EPHA6: variants seen among roughly 807,000 people sequenced by gnomAD.
EPHA6 encodes EPH receptor A6, also known as ephrin type-A receptor 6.
Under a neutral mutation model 112.0 loss-of-function variants are expected in EPHA6, and 50 were observed. That is an observed-to-expected ratio of 0.45 (90% CI 0.36 to 0.56). EPHA6 has a LOEUF of 0.56. Ranked by LOEUF, EPHA6 falls within the 20% of genes least tolerant of loss-of-function variation. The pLI, the probability that EPHA6 is intolerant of heterozygous loss-of-function variation, is 0.00. For missense variants in EPHA6, 1,280 were observed against 1,417.4 expected (o/e 0.90, Z 1.56); for synonymous variants, 529 against 490.7 (o/e 1.08, Z -1.03).
chr3:97,296,033 G>A (rs986504438), intron 5 of EPHA6, among the ~76,000 whole-genome samples: 1 of 152,176 alleles, frequency 6.6e-6, no homozygotes, highest in Non-Finnish European at 1.5e-5. Context: ...TGCCAGCAGT[G>A]GAAGTGGTTG....
chr3:97,444,078 A>T (rs566983556), intron 6 of EPHA6, among the ~76,000 whole-genome samples: 18 of 152,288 alleles, frequency 1.2e-4, no homozygotes, highest in African/African-American at 4.1e-4. Flanking sequence ...CAAGACTATT[A>T]TGAAGATTAG....
chr3:96,845,351 C>T (rs1472410600), intron 1 of EPHA6, among the ~76,000 whole-genome samples: 3 of 151,888 alleles, frequency 2.0e-5, no homozygotes, highest in African/African-American at 7.2e-5. Flanking sequence ...ATGCTGTGCC[C>T]AATTAACTTT....
chr3:96,862,204 G>C (rs2036048151), intron 1 of EPHA6, among the ~76,000 whole-genome samples: 1 of 151,868 alleles, frequency 6.6e-6, no homozygotes, highest in African/African-American at 2.4e-5. Context: ...ATCTGGTCAT[G>C]ATGTTAGAAG....
intron 3 of EPHA6, among the ~76,000 whole-genome samples, chr3:97,029,966 A>G (rs1486687003): frequency 6.6e-6 from 1 of 152,046 alleles, no homozygotes; most frequent in East Asian, 1.9e-4. Flanking sequence ...TCAAAAATAT[A>G]CTTACCCTTT....
intron 3 of EPHA6, among the ~76,000 whole-genome samples, chr3:97,033,663 T>C (rs1021419289): frequency 5.9e-5 from 9 of 151,956 alleles, no homozygotes; most frequent in Non-Finnish European, 1.0e-4. Context: ...TGATGAGGAA[T>C]GTCAACTCAG....
At chr3:96,893,141 G>T (rs1170143857) in intron 2 of EPHA6, among the ~76,000 whole-genome samples, 1 of 152,048 alleles carries the variant, frequency 6.6e-6, no homozygotes, top group African/African-American at 2.4e-5. Context: ...TGTATTTGTG[G>T]TGATGCTGAT....
chr3:97,624,594 A>G (rs570625919), intron 13 of EPHA6, among the ~76,000 whole-genome samples: 2 of 151,466 alleles, frequency 1.3e-5, no homozygotes, highest in South Asian at 2.1e-4. Context: ...CTCCTCTTCA[A>G]TTTTTCAGGA....
At chr3:97,338,022 T>A (rs193074418) in intron 5 of EPHA6, among the ~76,000 whole-genome samples, 69 of 152,114 alleles carry the variant, frequency 4.5e-4, no homozygotes, top group African/African-American at 1.6e-3. Context: ...GATATATGAG[T>A]TTTGATATCG....
At chr3:96,880,577 T>C (rs1421722585) in intron 2 of EPHA6, among the ~76,000 whole-genome samples, 2 of 152,134 alleles carry the variant, frequency 1.3e-5, no homozygotes, top group Non-Finnish European at 2.9e-5. Flanking sequence ...CATTTTAAAG[T>C]GAACAACTCA....
intron 3 of EPHA6, among the ~76,000 whole-genome samples, chr3:97,071,402 C>T (rs1313209230): frequency 6.6e-6 from 1 of 152,004 alleles, no homozygotes; most frequent in East Asian, 1.9e-4. Context: ...CTGATAAAGA[C>T]ATACCATAGA....
At chr3:97,430,144 T>C (rs547970765) in intron 6 of EPHA6, among the ~76,000 whole-genome samples, 1 of 152,146 alleles carries the variant, frequency 6.6e-6, no homozygotes, top group African/African-American at 2.4e-5. Context: ...TTCAAACTGA[T>C]GAAAAAATTG....
At chr3:96,831,928 A>G (rs1576085174) in intron 1 of EPHA6, among the ~76,000 whole-genome samples, 1 of 152,204 alleles carries the variant, frequency 6.6e-6, no homozygotes, top group South Asian at 2.1e-4. Flanking sequence ...AATTGATTTC[A>G]ACTCTGCTTC....
At chr3:97,609,859 A>G (rs1258505624) in intron 12 of EPHA6, among the ~76,000 whole-genome samples, 2 of 151,586 alleles carry the variant, frequency 1.3e-5, no homozygotes, top group Non-Finnish European at 3.0e-5. Context: ...AAGAAGTGAG[A>G]AATACAGAAG....
intron 10 of EPHA6, among the ~76,000 whole-genome samples, chr3:97,520,764 G>C (rs1204482874): frequency 6.6e-6 from 1 of 152,000 alleles, no homozygotes; most frequent in African/African-American, 2.4e-5. Flanking sequence ...GCTAAACTTG[G>C]GATTAAGTTA....
At chr3:97,050,844 T>C (rs552428902) in intron 3 of EPHA6, among the ~76,000 whole-genome samples, 24 of 152,304 alleles carry the variant, frequency 1.6e-4, no homozygotes, top group African/African-American at 5.8e-4. Context: ...CATGAAATTA[T>C]AAAATTCTAT....
chr3:97,140,386 A>T (rs1207736561), intron 3 of EPHA6, among the ~76,000 whole-genome samples: 1 of 152,164 alleles, frequency 6.6e-6, no homozygotes, highest in Non-Finnish European at 1.5e-5. Context: ...GCATACGGTT[A>T]TCAGACTATC....
At position 96,940,069 on chromosome 3, in the gene EPHA6, A is replaced by G. The variant is rs183061256; in HGVS notation, c.451-47261A>G. On this transcript the variant is annotated intron_variant, in intron 2 of 17. Transcript: ENST00000389672. ...ACGTGTGGTGTGGTGCTGAAAAAAA[A>G]TGTATATTCTGTTGATCTGGGGTGG... Among the ~76,000 whole-genome samples, 823 of 152,286 alleles carry G rather than the reference A, an allele frequency of 5.4e-3. 6 individuals are homozygous for G. Among genetic ancestry groups the G allele is most frequent in the African/African-American group, 0.019 (769 of 41,560 alleles).
intron 12 of EPHA6, chr3:97,606,077 A>C (rs915561037): frequency 6.6e-6 from 1 of 151,424 alleles, no homozygotes; most frequent in African/African-American, 2.4e-5. Context: ...TTAGACGTTA[A>C]TTCTGCAATA....
chr3:97,303,575 C>A (rs561766145), intron 5 of EPHA6, among the ~76,000 whole-genome samples: 11 of 151,806 alleles, frequency 7.2e-5, no homozygotes, highest in African/African-American at 2.7e-4. Flanking sequence ...CTTTCTGGTA[C>A]CAAAATATGT....
Sources: gnomAD v4.1 joint callset for allele counts (sites outside exome capture counted in the v4.1 genomes callset) on GRCh38, gnomAD v4.1.1 for gene constraint, MANE v1.5 for transcripts, NCBI Gene and HGNC (gene_info 2026-07-23, HGNC 2026-07-21) for gene names.